Variants in MUSK observed in about 807,000 individuals in gnomAD.
MUSK encodes the protein muscle, skeletal receptor tyrosine-protein kinase.
MUSK carries 55 observed loss-of-function variants against 88.7 expected under a neutral mutation model. The observed-to-expected ratio is 0.62, with a 90% CI of 0.50 to 0.78. The LOEUF (loss-of-function observed/expected upper bound fraction) is 0.78. MUSK is among the 30% of genes least tolerant of loss of function. The pLI is 0.00. For synonymous variants in MUSK, 387 were observed against 391.9 expected (o/e 0.99, Z 0.15); for missense variants, 1,015 against 1,074.3 (o/e 0.94, Z 0.77).
intron 8 of MUSK, among the ~76,000 whole-genome samples, chr9:110,765,278 C>T (rs1220880331): frequency 6.6e-6 from 1 of 152,094 alleles, no homozygotes; most frequent in Non-Finnish European, 1.5e-5. Context: ...TTCTGTTAAG[C>T]GTAAAGAGTC....
At chr9:110,691,988 C>A (rs1218660646) in intron 3 of MUSK, among the ~76,000 whole-genome samples, 1 of 152,006 alleles carries the variant, frequency 6.6e-6, no homozygotes, top group African/African-American at 2.4e-5. Flanking sequence ...TTTCTTATTT[C>A]TTTACAAGTA....
At chr9:110,696,438 A>G (rs1349745868) in intron 4 of MUSK, among the ~76,000 whole-genome samples, 1 of 152,206 alleles carries the variant, frequency 6.6e-6, no homozygotes, top group Non-Finnish European at 1.5e-5. Context: ...AATGCATAGT[A>G]TATTTTAAGA....
intron 1 of MUSK, among the ~76,000 whole-genome samples, chr9:110,680,303 G>A (rs117057093): frequency 2.0e-5 from 3 of 151,864 alleles, no homozygotes; most frequent in Admixed American, 6.6e-5. Context: ...TTTCTTTCTG[G>A]TAGAGTTTAA....
intron 14 of MUSK, among the ~76,000 whole-genome samples, chr9:110,790,769 G>C (rs1232095943): frequency 1.3e-4 from 20 of 152,192 alleles, no homozygotes; most frequent in Non-Finnish European, 1.5e-5. Context: ...AAATGGACTA[G>C]AGAAACATAA....
chr9:110,800,381 G>C lies in MUSK; in HGVS notation c.2003G>C (p.Arg668Pro). 1 of 1,613,770 alleles carries C rather than the reference G, an allele frequency of 6.2e-7. No individual in the cohort carries two copies. Among genetic ancestry groups the C allele is most frequent in the Non-Finnish European group, 8.5e-7 (1 of 1,179,856 alleles). Residue 668 changes from arginine to proline, a missense_variant, in exon 15 of 15, where the codon CGC becomes CCC. Transcript: ENST00000374448. ...TATGGTGACCTCAATGAGTTCCTCC[G>C]CAGCATGTCCCCTCACACCGTGTGC... is the stretch of plus-strand genomic sequence containing the variant. ...MAYGDLNEFL[R>P]SMSPHTVCSL...
rs375406874 is a variant in MUSK at position 110,800,302 on chromosome 9, C to T, written c.1928-4C>T. 5.0e-6 allele frequency: 8 copies of T among 1,584,986 alleles called. No homozygotes were observed. Among genetic ancestry groups the T allele is most frequent in the Middle Eastern group, 1.7e-4 (1 of 5,932 alleles). Reference sequence around the variant, plus strand: ...GACTAACAGGGATGGTCTTTTGGTTCCAGGAGTGTGTGCTGTCGGGAAGCC... The same window carrying T: ...GACTAACAGGGATGGTCTTTTGGTTTCAGGAGTGTGTGCTGTCGGGAAGCC... On this transcript the variant is annotated splice_polypyrimidine_tract_variant and splice_region_variant and intron_variant, in intron 14 of 14. Coordinates refer to ENST00000374448, the MANE Select transcript of MUSK (RefSeq NM_005592.4).
intron 5 of MUSK, among the ~76,000 whole-genome samples, chr9:110,729,934 A>G (rs2076941818): frequency 6.6e-6 from 1 of 152,030 alleles, no homozygotes; most frequent in Non-Finnish European, 1.5e-5. Context: ...TTCAGAGTGA[A>G]TTATGCCTTT....
intron 6 of MUSK, among the ~76,000 whole-genome samples, chr9:110,738,411 T>C (rs1014391121): frequency 5.3e-5 from 8 of 152,168 alleles, no homozygotes; most frequent in Admixed American, 4.6e-4. Flanking sequence ...CAGAGCAAGT[T>C]CTTTTGCTAC....
intron 8 of MUSK, among the ~76,000 whole-genome samples, chr9:110,766,886 A>G (rs1309037217): frequency 6.6e-6 from 1 of 152,234 alleles, no homozygotes; most frequent in Non-Finnish European, 1.5e-5. Context: ...TAAGTATTCA[A>G]TATATGTTTG....
intron 5 of MUSK, among the ~76,000 whole-genome samples, chr9:110,709,087 C>A (rs184666606): frequency 6.6e-6 from 1 of 152,264 alleles, no homozygotes; most frequent in African/African-American, 2.4e-5. Flanking sequence ...CGACATGAGA[C>A]AGAGAAGGCC....
intron 7 of MUSK, among the ~76,000 whole-genome samples, chr9:110,752,802 C>CA (rs1279185479): frequency 6.6e-6 from 1 of 152,186 alleles, no homozygotes; most frequent in Non-Finnish European, 1.5e-5. Context: ...AAAACCCTTC[C>CA]ATGTGTCTGC....
chr9:110,790,626 T>C (rs1452198904), intron 14 of MUSK, among the ~76,000 whole-genome samples: 2 of 152,186 alleles, frequency 1.3e-5, no homozygotes, highest in African/African-American at 4.8e-5. Flanking sequence ...TCTCTTCTGA[T>C]TGATTTAGTT....
chr9:110,715,261 A>G (rs1192567199), intron 5 of MUSK, among the ~76,000 whole-genome samples: 4 of 149,908 alleles, frequency 2.7e-5, no homozygotes, highest in African/African-American at 5.1e-5. Context: ...TAGCTGCTAT[A>G]TTAATTAATT....
intron 5 of MUSK, among the ~76,000 whole-genome samples, chr9:110,720,850 C>T (rs2076802189): frequency 6.6e-6 from 1 of 152,086 alleles, no homozygotes; most frequent in Non-Finnish European, 1.5e-5. Flanking sequence ...CAACAAAGTA[C>T]TAGTGAACTG....
intron 5 of MUSK, among the ~76,000 whole-genome samples, chr9:110,709,809 G>A (rs1479352330): frequency 6.6e-6 from 1 of 151,958 alleles, no homozygotes; most frequent in Non-Finnish European, 1.5e-5. Context: ...AATCTGCAAG[G>A]AGACCCCAAA....
At chr9:110,689,674 T>TATATATAA (rs2076267975) in intron 3 of MUSK, among the ~76,000 whole-genome samples, 2 of 72,368 alleles carry the variant, frequency 2.8e-5, no homozygotes, top group Non-Finnish European at 4.5e-5. Context: ...CATAGTATAT[T>TATATATAA]ATATATAACT....
At chr9:110,748,506 TA>T (rs2077206957) in intron 7 of MUSK, among the ~76,000 whole-genome samples, 1 of 152,154 alleles carries the variant, frequency 6.6e-6, no homozygotes, top group Non-Finnish European at 1.5e-5. Flanking sequence ...GGTTTATTTT[TA>T]AAATGTAAAT....
At chr9:110,746,511 A>T (rs1255177024) in intron 6 of MUSK, among the ~76,000 whole-genome samples, 1 of 152,186 alleles carries the variant, frequency 6.6e-6, no homozygotes, top group Non-Finnish European at 1.5e-5. Flanking sequence ...GCAAATTCTA[A>T]CTATGCAACC....
Position 110,785,888 on chromosome 9 carries a change from GTA to G in MUSK, c.1778+181_1778+182del, listed in dbSNP as rs72478397. Among the ~76,000 whole-genome samples, 7,907 of 147,398 alleles carry G rather than the reference GTA, an allele frequency of 0.054. 388 individuals are homozygous for G. Among genetic ancestry groups the G allele is most frequent in the African/African-American group, 0.13 (5,047 of 40,320 alleles). On this transcript the variant is annotated intron_variant, in intron 13 of 14. Coordinates refer to ENST00000374448, the MANE Select transcript of MUSK (RefSeq NM_005592.4). ...GTACATATATATGTACACTGTGTGTGTATATATATATACACACACACATATAC... is the reference window on the plus strand; with the variant it reads ...GTACATATATATGTACACTGTGTGTGTATATATATACACACACACATATAC...
Sources: gnomAD v4.1 joint callset for allele counts (sites outside exome capture counted in the v4.1 genomes callset) on GRCh38, gnomAD v4.1.1 for gene constraint, MANE v1.5 for transcripts, NCBI Gene and HGNC (gene_info 2026-07-23, HGNC 2026-07-21) for gene names.